Variants in UTRN observed in about 807,000 individuals in gnomAD.
UTRN encodes the protein utrophin.
A neutral mutation model predicts 463.9 loss-of-function variants in UTRN; 283 were observed. That is an observed-to-expected ratio of 0.61 (90% CI 0.55 to 0.67). The LOEUF (loss-of-function observed/expected upper bound fraction) is 0.67, where lower values mean the gene tolerates loss of function less well. UTRN is among the 30% of genes least tolerant of loss of function. The pLI is 0.00. For missense variants in UTRN, 3,922 were observed against 4,084.3 expected (o/e 0.96, Z 1.08); for synonymous variants, 1,442 against 1,431.5 (o/e 1.01, Z -0.17).
intron 63 of UTRN, among the ~76,000 whole-genome samples, chr6:144,795,427 T>G (rs972606911): frequency 1.3e-5 from 2 of 152,152 alleles, no homozygotes; most frequent in African/African-American, 4.8e-5. Context: ...TCTGGTTCTA[T>G]ATCCTTGAGG....
rs1452145709 is a variant in UTRN, at chr6:144,548,810, G to T, written c.6766G>T (p.Val2256Phe). ...GATGCTGAAGTCCAACATTGTCACT[G>T]TTGGGGATGTAGAAGAGATCAATAA... ...DQMLKSNIVT[V>F]GDVEEINKTV... The change falls in exon 47 of 75, where the codon GTT (valine) becomes TTT (phenylalanine). Residue 2256 changes from valine (V) to phenylalanine (F), a missense_variant. By Grantham distance (50) the Val-to-Phe change is conservative (BLOSUM62 -1). Around this residue, in one of 3 missense-constraint regions of UTRN, gnomAD observed 1,309 missense variants for 1,452.6 expected, o/e 0.90. Transcript: ENST00000367545. 1 of 1,613,922 alleles carries T rather than the reference G, an allele frequency of 6.2e-7. No individual in the cohort carries two copies. Among genetic ancestry groups the T allele is most frequent in the African/African-American group, 1.3e-5 (1 of 74,918 alleles).
intron 50 of UTRN, among the ~76,000 whole-genome samples, chr6:144,557,866 C>T (rs1234741259): frequency 1.3e-5 from 2 of 152,100 alleles, no homozygotes; most frequent in Admixed American, 1.3e-4. Flanking sequence ...TATGTGTTTA[C>T]AAGAGAATTT....
chr6:144,657,397 G>A (rs2128670286), intron 51 of UTRN, among the ~76,000 whole-genome samples: 1 of 152,254 alleles, frequency 6.6e-6, no homozygotes, highest in Admixed American at 6.5e-5. Context: ...TTCTGAGAAG[G>A]TAGCTGATAC....
At chr6:144,625,413 T>C (rs1775844400) in intron 51 of UTRN, among the ~76,000 whole-genome samples, 1 of 152,222 alleles carries the variant, frequency 6.6e-6, no homozygotes, top group Non-Finnish European at 1.5e-5. Flanking sequence ...ATAATCTGTT[T>C]GTGAGGTATT....
intron 33 of UTRN, 28 bp downstream of exon 33, chr6:144,493,484 T>C: frequency 6.3e-7 from 1 of 1,592,994 alleles, no homozygotes; most frequent in Non-Finnish European, 8.6e-7. Context: ...ACAGCTCATC[T>C]CTCTGTCTCT....
intron 50 of UTRN, 70 bp from the exon 51 acceptor site, chr6:144,577,029 G>A: frequency 6.7e-7 from 1 of 1,482,420 alleles, no homozygotes. Context: ...TTTTTATTTA[G>A]GGGATGCGTG....
At chr6:144,593,144 A>C (rs1056330956) in intron 51 of UTRN, among the ~76,000 whole-genome samples, 1 of 152,226 alleles carries the variant, frequency 6.6e-6, no homozygotes, top group African/African-American at 2.4e-5. Context: ...ACCAGAATGC[A>C]AAGTCTTGAC....
intron 71 of UTRN, among the ~76,000 whole-genome samples, chr6:144,837,925 T>C (rs1456121248): frequency 6.6e-6 from 1 of 152,240 alleles, no homozygotes; most frequent in Non-Finnish European, 1.5e-5. Flanking sequence ...CGTGGGTTTC[T>C]TGAAGCCCTT....
chr6:144,462,369 C>A (rs1387031499), intron 22 of UTRN, among the ~76,000 whole-genome samples: 4 of 152,106 alleles, frequency 2.6e-5, no homozygotes, highest in Non-Finnish European at 4.4e-5. Flanking sequence ...CTGCAATGAA[C>A]ATAGTGTGCA....
chr6:144,355,704 C>T (rs1778491312), intron 2 of UTRN, among the ~76,000 whole-genome samples: 1 of 151,978 alleles, frequency 6.6e-6, no homozygotes, highest in African/African-American at 2.4e-5. Context: ...TAAAGTTCCC[C>T]AGTTACCACT....
chr6:144,623,072 C>G (rs970047740), intron 51 of UTRN, among the ~76,000 whole-genome samples: 9 of 152,176 alleles, frequency 5.9e-5, no homozygotes, highest in African/African-American at 2.2e-4. Context: ...AACTTATTTT[C>G]CCACTGGTGT....
chr6:144,462,977 A>G, intron 23 of UTRN, 111 bp downstream of exon 23: 1 of 918,268 alleles, frequency 1.1e-6, no homozygotes, highest in South Asian at 1.6e-5. Context: ...CTAGATCCCC[A>G]TTTATTATGT....
chr6:144,399,727 A>T (rs967034540), intron 2 of UTRN, among the ~76,000 whole-genome samples: 27 of 152,334 alleles, frequency 1.8e-4, no homozygotes, highest in African/African-American at 6.5e-4. Context: ...TTTCTCTGCC[A>T]CATTTCCAGT....
intron 69 of UTRN, among the ~76,000 whole-genome samples, chr6:144,831,722 A>C (rs1438574330): frequency 1.3e-5 from 2 of 152,248 alleles, no homozygotes; most frequent in South Asian, 4.2e-4. Context: ...GGTTCTGGGG[A>C]ATCTCAGAAG....
chr6:144,562,796 T>C (rs1378462523), intron 50 of UTRN, among the ~76,000 whole-genome samples: 22 of 152,204 alleles, frequency 1.4e-4, no homozygotes, highest in Admixed American at 1.4e-3. Context: ...TCCACAATGG[T>C]TGAATTAATT....
intron 69 of UTRN, among the ~76,000 whole-genome samples, chr6:144,834,210 A>C (rs566176728): frequency 6.6e-6 from 1 of 152,330 alleles, no homozygotes; most frequent in South Asian, 2.1e-4. Context: ...TGATAAAAGC[A>C]AGAAGGTCAG....
intron 52 of UTRN, among the ~76,000 whole-genome samples, chr6:144,696,409 C>A (rs1473018173): frequency 6.6e-6 from 1 of 152,146 alleles, no homozygotes; most frequent in Admixed American, 6.5e-5. Context: ...AAAATTTACT[C>A]ATTTTATTTA....
chr6:144,536,774 T>A (rs1054064629), intron 43 of UTRN, among the ~76,000 whole-genome samples: 5 of 152,036 alleles, frequency 3.3e-5, no homozygotes, highest in African/African-American at 1.2e-4. Flanking sequence ...TTAATAGCTT[T>A]CAAATCCTTT....
intron 54 of UTRN, among the ~76,000 whole-genome samples, chr6:144,734,149 A>T (rs1458485982): frequency 6.6e-6 from 1 of 152,188 alleles, no homozygotes; most frequent in Non-Finnish European, 1.5e-5. Context: ...ACCATATTTA[A>T]CAACAAGGAA....
Sources: allele counts gnomAD v4.1 joint callset (sites outside exome capture counted in the v4.1 genomes callset), GRCh38; gene constraint gnomAD v4.1.1; regional missense constraint gnomAD v4.1.1; transcripts MANE v1.5; gene names NCBI Gene and HGNC (gene_info 2026-07-23, HGNC 2026-07-21).